The following RIMS2 variants were observed in gnomAD, a reference collection of about 807,000 sequenced individuals.
The protein encoded by RIMS2 is regulating synaptic membrane exocytosis 2, also known as regulating synaptic membrane exocytosis protein 2.
Under a neutral mutation model 174.4 loss-of-function variants are expected in RIMS2, and 59 were observed. The ratio of observed to expected loss-of-function variants is 0.34; its 90% confidence interval spans 0.27 to 0.42. The LOEUF is 0.42. RIMS2 is among the 10% of genes least tolerant of loss of function. The probability of loss-of-function intolerance (pLI) is 1.00; values close to 1 mark genes in which losing one functional copy is unlikely to be tolerated. For synonymous variants in RIMS2, 606 were observed against 572.5 expected (o/e 1.06, Z -0.84); for missense variants, 1,620 against 1,666.3 (o/e 0.97, Z 0.48).
chr8:103,788,646 G>A (rs1479497977), intron 3 of RIMS2, among the ~76,000 whole-genome samples: 7 of 151,684 alleles, frequency 4.6e-5, no homozygotes, highest in Admixed American at 1.3e-4. Flanking sequence ...CTCCAGCTGC[G>A]TGCTGGGAGA....
Position 103,553,654 on chromosome 8 carries a change from T to C in RIMS2, c.176+52592T>C, listed in dbSNP as rs544409451. On this transcript the variant is annotated intron_variant, in intron 1 of 23. Coordinates refer to ENST00000504942, the Ensembl canonical transcript of RIMS2. The stretch of plus-strand genomic sequence containing the variant: ...AAGCAATTTACAGATTCAGTGCTAT[T>C]CCTATCATACTACTAACAGCATCCT... 9.6e-4 allele frequency among the ~76,000 whole-genome samples: 146 copies of C among 152,232 alleles called. 4 individuals are homozygous for C. The South Asian group carries it at 0.029, about 31-fold the overall frequency.
rs567056790 is a variant in RIMS2, at chr8:104,108,208, A to T, written c.3334+93593A>T. On this transcript the variant is annotated intron_variant, in intron 19 of 23. Transcript: ENST00000504942. ...TGGCATGAGTTTGCTTAATGTTTAA[A>T]TTCTAATGGTATCTTTTGTTATTTT... Among the ~76,000 whole-genome samples, 48 of 152,150 alleles carry T rather than the reference A, an allele frequency of 3.2e-4. No homozygotes were observed. The South Asian group carries it at 9.4e-3, about 30-fold the overall frequency.
chr8:103,937,356 A>G (rs1007975043), intron 13 of RIMS2, among the ~76,000 whole-genome samples: 6 of 152,150 alleles, frequency 3.9e-5, no homozygotes, highest in African/African-American at 9.7e-5. Context: ...AGTGATATGT[A>G]TATATCTTGG....
chr8:103,843,787 T>C (rs2098953690), intron 3 of RIMS2, among the ~76,000 whole-genome samples: 1 of 152,234 alleles, frequency 6.6e-6, no homozygotes. Flanking sequence ...GTCTTTTTTA[T>C]CGTCTTTTAG....
intron 19 of RIMS2, among the ~76,000 whole-genome samples, chr8:104,064,244 A>G (rs2097061022): frequency 6.6e-6 from 1 of 152,218 alleles, no homozygotes; most frequent in Non-Finnish European, 1.5e-5. Flanking sequence ...ACACCAAAAT[A>G]AATAGCTACA....
At chr8:104,178,913 C>T (rs1207315960) in intron 19 of RIMS2, among the ~76,000 whole-genome samples, 2 of 152,048 alleles carry the variant, frequency 1.3e-5, no homozygotes, top group South Asian at 2.1e-4. Context: ...AAATTATGCT[C>T]AGGATGTGCC....
intron 19 of RIMS2, among the ~76,000 whole-genome samples, chr8:104,139,864 CT>C (rs1474155346): frequency 6.6e-6 from 1 of 152,114 alleles, no homozygotes; most frequent in African/African-American, 2.4e-5. Context: ...AGGCTTTCAG[CT>C]TTTCCCCATT....
At chr8:103,550,599 T>C (rs1847310894) in intron 1 of RIMS2, among the ~76,000 whole-genome samples, 3 of 151,474 alleles carry the variant, frequency 2.0e-5, no homozygotes, top group Non-Finnish European at 2.9e-5. Context: ...AAGAAATAAC[T>C]AAGATCAGAG....
At chr8:103,748,946 A>G (rs2097852916) in intron 2 of RIMS2, among the ~76,000 whole-genome samples, 1 of 151,770 alleles carries the variant, frequency 6.6e-6, no homozygotes, top group African/African-American at 2.4e-5. Flanking sequence ...GATTACAGGC[A>G]TGCACTACGA....
At chr8:104,240,432 G>A (rs2441799) in intron 19 of RIMS2, among the ~76,000 whole-genome samples, 28,394 of 152,130 alleles carry the variant, frequency 0.19, 2,902 homozygotes, top group Non-Finnish European at 0.23. Flanking sequence ...TGTAAATGTA[G>A]CTAAAGATTT....
At chr8:103,844,097 C>T (rs139036912) in intron 3 of RIMS2, among the ~76,000 whole-genome samples, 9,998 of 152,258 alleles carry the variant, frequency 0.066, 373 homozygotes, top group Non-Finnish European at 0.079. Context: ...TCCTTGCCTT[C>T]TGCCACGATT....
At chr8:103,638,421 C>T (rs1048814825) in intron 1 of RIMS2, among the ~76,000 whole-genome samples, 1 of 151,904 alleles carries the variant, frequency 6.6e-6, no homozygotes. Flanking sequence ...TTTCATGTTT[C>T]TTATTTGGCA....
chr8:103,934,941 C>A (rs534699875), intron 12 of RIMS2, among the ~76,000 whole-genome samples: 1 of 152,122 alleles, frequency 6.6e-6, no homozygotes, highest in East Asian at 1.9e-4. Flanking sequence ...TCGTGATCCA[C>A]CCGCCTCGGC....
chr8:104,201,163 A>G (rs967077879), intron 19 of RIMS2, among the ~76,000 whole-genome samples: 1 of 151,978 alleles, frequency 6.6e-6, no homozygotes, highest in African/African-American at 2.4e-5. Context: ...CCTGGTGTCT[A>G]TTGTTCCCAT....
chr8:103,941,366 A>G (rs1351013812), intron 13 of RIMS2, among the ~76,000 whole-genome samples: 1 of 152,148 alleles, frequency 6.6e-6, no homozygotes. Flanking sequence ...TGCATACAGT[A>G]GTGCCAGCTA....
At chr8:103,854,310 G>A (rs2099014945) in intron 3 of RIMS2, among the ~76,000 whole-genome samples, 1 of 152,070 alleles carries the variant, frequency 6.6e-6, no homozygotes, top group Non-Finnish European at 1.5e-5. Context: ...CAGTGAGAGA[G>A]ATAGATTGAC....
At chr8:103,742,830 T>G (rs979329140) in intron 2 of RIMS2, among the ~76,000 whole-genome samples, 1 of 152,138 alleles carries the variant, frequency 6.6e-6, no homozygotes, top group Admixed American at 6.6e-5. Flanking sequence ...TCTTTCATAA[T>G]TAGGAGTCAC....
chr8:103,605,998 C>T (rs1221303467), intron 1 of RIMS2, among the ~76,000 whole-genome samples: 5 of 145,932 alleles, frequency 3.4e-5, no homozygotes, highest in African/African-American at 7.8e-5. Context: ...GTCTCTATTT[C>T]CTTCAGTTCT....
In RIMS2 at chr8:104,042,298, A is replaced by C. The variant is rs539698133; in HGVS notation, c.3334+27683A>C. ...GAAACAGTATGGCCAGTAGCTTCAC[A>C]CAAGTTTGGCGAAAGTAGGCAGAGA... On this transcript the variant is annotated intron_variant, in intron 19 of 23. Transcript: ENST00000504942. 2.0e-4 allele frequency among the ~76,000 whole-genome samples: 30 copies of C among 151,678 alleles called. 2 individuals carry two copies. The South Asian group carries it at 6.0e-3, about 30-fold the overall frequency.
Sources: allele counts gnomAD v4.1 joint callset (sites outside exome capture counted in the v4.1 genomes callset), GRCh38; gene constraint gnomAD v4.1.1; transcripts MANE v1.5; gene names NCBI Gene and HGNC (gene_info 2026-07-23, HGNC 2026-07-21).